POLA2: variants seen among roughly 807,000 people sequenced by gnomAD.
The protein encoded by POLA2 is DNA polymerase alpha 2, accessory subunit, also known as DNA polymerase alpha subunit B.
POLA2 carries 47 observed loss-of-function variants against 82.8 expected under a neutral mutation model. That is an observed-to-expected ratio of 0.57 (90% confidence interval 0.45 to 0.72). The LOEUF is 0.72. POLA2 is among the 30% of genes least tolerant of loss of function. The pLI, the probability that POLA2 is intolerant of heterozygous loss-of-function variation, is 0.00. For missense variants in POLA2, 634 were observed against 728.1 expected (o/e 0.87, Z 1.49); for synonymous variants, 287 against 286.8 (o/e 1.00, Z -0.01).
rs1265118877 is a variant in POLA2 at position 65,298,625 on chromosome 11, G to C, written c.*1356G>C. On this transcript the variant is annotated 3_prime_UTR_variant, in exon 18 of 18. Transcript: ENST00000265465. ...TTTTGCCTCTCACCTTTCTGACGGT[G>C]AAATGGAATCGAGCCCCAGACCTGA... The C allele has an allele frequency of 6.6e-6, 1 of 152,300 alleles. No individual in the cohort carries two copies. Among genetic ancestry groups the C allele is most frequent in the Non-Finnish European group, 1.5e-5 (1 of 68,066 alleles). 9.4% of individuals were successfully genotyped at this position (152,300 alleles called of 1,614,324 possible).
At chr11:65,295,803 T>G (rs1590911762) in intron 16 of POLA2, 61 bp from the exon 17 acceptor site, 1 of 1,578,592 alleles carries the variant, frequency 6.3e-7, no homozygotes, top group Non-Finnish European at 8.7e-7. Flanking sequence ...CTAGGGGGAC[T>G]CTGTCTGAGA....
At position 65,283,220 on chromosome 11, in the gene POLA2, C is replaced by T. The variant is rs556003480; in HGVS notation, c.1006+699C>T. ...GAAGAGAACGGGAACATCAGTGGAACAACTAGCAACATCTGAATAAAGCCA... is the reference window on the plus strand; with the variant it reads ...GAAGAGAACGGGAACATCAGTGGAATAACTAGCAACATCTGAATAAAGCCA... On this transcript the variant is annotated intron_variant, in intron 10 of 17. Coordinates refer to ENST00000265465, the MANE Select transcript of POLA2 (RefSeq NM_002689.4). 9.9e-5 allele frequency among the ~76,000 whole-genome samples: 15 copies of T among 152,284 alleles called. No individual in the cohort carries two copies. In the South Asian group the frequency reaches 2.7e-3, roughly 27 times the overall value.
chr11:65,264,192 C>G (rs1028235796), intron 1 of POLA2, among the ~76,000 whole-genome samples: 16 of 152,086 alleles, frequency 1.1e-4, no homozygotes, highest in African/African-American at 3.9e-4. Flanking sequence ...CTCAGCCTCC[C>G]GAGTAGCTGG....
At chr11:65,293,269 T>G (rs1274720252) in intron 13 of POLA2, among the ~76,000 whole-genome samples, 6 of 152,006 alleles carry the variant, frequency 3.9e-5, no homozygotes, top group Non-Finnish European at 1.5e-5. Context: ...GTCCAGTAAT[T>G]ATGGCCCAGT....
chr11:65,296,749 C>A (rs187964333), intron 17 of POLA2, among the ~76,000 whole-genome samples: 1 of 152,116 alleles, frequency 6.6e-6, no homozygotes, highest in Admixed American at 6.6e-5. Flanking sequence ...GAGTCTGAGA[C>A]CAGCCTGGCC....
At position 65,289,871 on chromosome 11, in the gene POLA2, A is replaced by G; in HGVS notation, c.1243A>G (p.Ser415Gly). Residue 415 changes from serine to glycine, a missense_variant and splice_region_variant, in exon 13 of 18, where the codon AGC becomes GGC. By Grantham distance (56) the Ser-to-Gly change is moderately conservative. Coordinates refer to ENST00000265465, the MANE Select transcript of POLA2 (RefSeq NM_002689.4). ...CLRTIIEGTR[S>G]SGSHLVFVPS... ...ACGAACAATTATTGAAGGCACAAGA[A>G]GGTCAGATTTCAAAATACTGGACAG... 1.3e-6 allele frequency: 2 copies of G among 1,594,142 alleles called. No individual in the cohort carries two copies. Among genetic ancestry groups the G allele is most frequent in the Non-Finnish European group, 1.7e-6 (2 of 1,161,830 alleles).
intron 6 of POLA2, among the ~76,000 whole-genome samples, 185 bp from the exon 7 acceptor site, chr11:65,279,353 A>T (rs1949615875): frequency 6.6e-6 from 1 of 152,172 alleles, no homozygotes. Context: ...GGAAGGCCAG[A>T]TTCAGCAACC....
chr11:65,266,452 C>A, intron 1 of POLA2, 130 bp from the exon 2 acceptor site: 1 of 921,794 alleles, frequency 1.1e-6, no homozygotes, highest in South Asian at 1.6e-5. Flanking sequence ...TCTCATTGCC[C>A]AAAACAGTGC....
intron 1 of POLA2, among the ~76,000 whole-genome samples, chr11:65,265,103 C>T (rs1949443910): frequency 6.6e-6 from 1 of 152,136 alleles, no homozygotes; most frequent in East Asian, 1.9e-4. Context: ...GTGGCGCATG[C>T]CTGTAGTCCC....
At chr11:65,279,369 T>C (rs1949615970) in intron 6 of POLA2, among the ~76,000 whole-genome samples, 169 bp from the exon 7 acceptor site, 1 of 152,122 alleles carries the variant, frequency 6.6e-6, no homozygotes, top group Non-Finnish European at 1.5e-5. Context: ...CAACCAAATA[T>C]CGGAAAATTG....
At chr11:65,295,713 G>T (rs1043262280) in intron 16 of POLA2, 114 bp downstream of exon 16, 6 of 1,319,342 alleles carry the variant, frequency 4.5e-6, no homozygotes, top group Non-Finnish European at 6.5e-6. Context: ...ACTTTACCCT[G>T]TGATGACAAG....
chr11:65,305,381 T>G (rs1409421743), exon 9 of POLA2: 1 of 456,154 alleles, frequency 2.2e-6, no homozygotes, highest in Non-Finnish European at 4.4e-6. Context: ...AGTTTTTGCC[T>G]TTCAGATGGA....
intron 8 of POLA2, 103 bp downstream of exon 8, chr11:65,281,250 C>T: frequency 1.6e-6 from 2 of 1,215,694 alleles, no homozygotes; most frequent in South Asian, 2.8e-5. Flanking sequence ...TCTCTGCTGC[C>T]ATGGGGTGCA....
At chr11:65,304,493 G>A in intron 8 of POLA2, among the ~76,000 whole-genome samples, 1 of 149,976 alleles carries the variant, frequency 6.7e-6, no homozygotes, top group East Asian at 2.0e-4. Flanking sequence ...CCTACCACAT[G>A]GCACACACTC....
chr11:65,263,752 G>C (rs552649697), intron 1 of POLA2, among the ~76,000 whole-genome samples: 1 of 151,162 alleles, frequency 6.6e-6, no homozygotes, highest in African/African-American at 2.4e-5. Flanking sequence ...GCTTGAACAT[G>C]AGAGGCAGAG....
chr11:65,302,944 C>T (rs1197199210), downstream of POLA2, among the ~76,000 whole-genome samples: 3 of 152,022 alleles, frequency 2.0e-5, no homozygotes, highest in Non-Finnish European at 4.4e-5. Context: ...CAGGCCAGTT[C>T]AAGCAATCCT....
chr11:65,287,339 G>C (rs1949707196), intron 10 of POLA2, among the ~76,000 whole-genome samples: 1 of 151,988 alleles, frequency 6.6e-6, no homozygotes, highest in African/African-American at 2.4e-5. Context: ...TCCTAACACT[G>C]AGCACACTCA....
chr11:65,287,516 C>T (rs538418188), intron 10 of POLA2, 200 bp from the exon 11 acceptor site: 432 of 397,010 alleles, frequency 1.1e-3, no homozygotes, highest in Non-Finnish European at 1.7e-3. Context: ...ATTCGTGTAC[C>T]TGCCTGTCTC....
rs1293796664 is a variant in POLA2 at position 65,278,731 on chromosome 11, G to A, written c.463G>A (p.Ala155Thr). 10 of 1,612,558 alleles carry A rather than the reference G, an allele frequency of 6.2e-6. No individual in the cohort carries two copies. Among genetic ancestry groups the A allele is most frequent in the Non-Finnish European group, 7.6e-6 (9 of 1,179,354 alleles). The change falls in exon 6 of 18, where the codon GCT (alanine) becomes ACT (threonine). Residue 155 changes from alanine to threonine, a missense_variant and splice_region_variant. Physicochemically the swap from Ala to Thr is moderately conservative, Grantham distance 58. Transcript: ENST00000265465. ...LLSPSSFSPS[A>T]TPSQKYNSRS... ...TTAACCTGTTTTGCTTCCAATTAGT[G>A]CTACTCCCTCCCAGAAATACAACTC...
Sources: gnomAD v4.1 joint callset for allele counts (sites outside exome capture counted in the v4.1 genomes callset) on GRCh38, gnomAD v4.1.1 for gene constraint, MANE v1.5 for transcripts, NCBI Gene and HGNC (gene_info 2026-07-23, HGNC 2026-07-21) for gene names.